Variants in NCAM2 observed in about 807,000 individuals in gnomAD.
The protein encoded by NCAM2 is neural cell adhesion molecule 2.
A neutral mutation model predicts 98.1 loss-of-function variants in NCAM2; 30 were observed. The observed-to-expected ratio is 0.31, with a 90% confidence interval of 0.23 to 0.41. NCAM2 has a LOEUF of 0.41. Ranked by LOEUF, NCAM2 falls within the 10% of genes least tolerant of loss-of-function variation. The probability of loss-of-function intolerance (pLI) is 1.00; values close to 1 mark genes in which losing one functional copy is unlikely to be tolerated. For synonymous variants in NCAM2, 368 were observed against 342.4 expected, an observed-to-expected ratio of 1.07 and a Z score of -0.83; for missense variants, 867 against 1,005.8, an observed-to-expected ratio of 0.86 and a Z score of 1.87.
At chr21:21,526,027 C>A (rs1158295270) in intron 16 of NCAM2, among the ~76,000 whole-genome samples, 1 of 152,008 alleles carries the variant, frequency 6.6e-6, no homozygotes, top group African/African-American at 2.4e-5. Context: ...TAAAAAACTA[C>A]AACTTACATC....
chr21:21,533,550 T>C (rs1015518989), intron 16 of NCAM2, among the ~76,000 whole-genome samples: 6 of 152,080 alleles, frequency 3.9e-5, no homozygotes, highest in Non-Finnish European at 7.4e-5. Flanking sequence ...GAAAGACAAG[T>C]TGGTTACAAT....
At chr21:21,528,137 T>A (rs902347754) in intron 16 of NCAM2, among the ~76,000 whole-genome samples, 7 of 152,108 alleles carry the variant, frequency 4.6e-5, no homozygotes, top group Admixed American at 4.6e-4. Flanking sequence ...ACAAATATAG[T>A]TTTGCTTTGA....
At chr21:21,028,023 C>T (rs2064590721) in intron 1 of NCAM2, among the ~76,000 whole-genome samples, 2 of 151,998 alleles carry the variant, frequency 1.3e-5, no homozygotes, top group Non-Finnish European at 2.9e-5. Flanking sequence ...TCCACCACAC[C>T]CAGCTAATTT....
intron 16 of NCAM2, among the ~76,000 whole-genome samples, chr21:21,511,582 T>A (rs956753030): frequency 1.3e-5 from 2 of 151,820 alleles, no homozygotes; most frequent in African/African-American, 4.8e-5. Flanking sequence ...TCTCTTGATT[T>A]TTTTAAAAAT....
At chr21:21,358,175 C>G (rs2075546209) in intron 8 of NCAM2, among the ~76,000 whole-genome samples, 2 of 152,022 alleles carry the variant, frequency 1.3e-5, no homozygotes, top group Admixed American at 1.3e-4. Flanking sequence ...CTCAAATAAT[C>G]TATATTTCCC....
intron 1 of NCAM2, among the ~76,000 whole-genome samples, chr21:21,126,248 A>AAAAAG (rs2066821113): frequency 6.6e-6 from 1 of 150,902 alleles, no homozygotes; most frequent in Non-Finnish European, 1.5e-5. Flanking sequence ...AAAAAAAAAA[A>AAAAAG]AAAAAAAAAA....
chr21:21,189,993 A>G (rs1257840098), intron 1 of NCAM2, among the ~76,000 whole-genome samples: 2 of 152,314 alleles, frequency 1.3e-5, no homozygotes, highest in South Asian at 2.1e-4. Flanking sequence ...TTGTAATGGA[A>G]CAAAGGAGAG....
intron 1 of NCAM2, among the ~76,000 whole-genome samples, chr21:21,092,646 A>G (rs1229706384): frequency 7.4e-6 from 1 of 135,034 alleles, no homozygotes; most frequent in Non-Finnish European, 1.6e-5. Context: ...GTGGAAAACA[A>G]AATATGAAGA....
At chr21:21,442,735 C>A (rs1038952930) in intron 12 of NCAM2, among the ~76,000 whole-genome samples, 3 of 152,128 alleles carry the variant, frequency 2.0e-5, no homozygotes, top group Admixed American at 1.3e-4. Flanking sequence ...TATATATTTT[C>A]TTAAAGATGT....
At chr21:21,356,649 C>T (rs530522989) in intron 8 of NCAM2, among the ~76,000 whole-genome samples, 2 of 152,086 alleles carry the variant, frequency 1.3e-5, no homozygotes, top group South Asian at 2.1e-4. Context: ...ATAATGAAGA[C>T]TTTTATATTG....
intron 1 of NCAM2, among the ~76,000 whole-genome samples, chr21:21,184,494 G>C (rs1313691363): frequency 6.6e-6 from 1 of 152,024 alleles, no homozygotes; most frequent in Non-Finnish European, 1.5e-5. Context: ...TCTGATGCCT[G>C]GGCTCCCCTT....
intron 8 of NCAM2, among the ~76,000 whole-genome samples, chr21:21,342,390 T>A (rs902355000): frequency 6.6e-6 from 1 of 152,208 alleles, no homozygotes; most frequent in Non-Finnish European, 1.5e-5. Context: ...GTTGTAGTTA[T>A]GAGGAGGTTC....
chr21:21,319,048 A>C (rs899075400), intron 5 of NCAM2, among the ~76,000 whole-genome samples: 1 of 152,088 alleles, frequency 6.6e-6, no homozygotes, highest in African/African-American at 2.4e-5. Flanking sequence ...CAAGAGTTGG[A>C]GACTGCAGTG....
In NCAM2 at chr21:21,541,294, A is replaced by G. The variant is rs1027302164; in HGVS notation, c.*3337A>G. ...ATCATTACTAGTATATTTTGCTTAG[A>G]TTTGAGATACTCAAATGATGCTGTC... On this transcript the variant is annotated 3_prime_UTR_variant, in exon 18 of 18. Coordinates refer to ENST00000400546, the MANE Select transcript of NCAM2 (RefSeq NM_004540.5). 3.3e-5 allele frequency: 5 copies of G among 151,640 alleles called. No individual in the cohort carries two copies. Among genetic ancestry groups the G allele is most frequent in the African/African-American group, 4.8e-5 (2 of 41,414 alleles). The allele number at this position is 151,640 out of a possible 1,614,324, so 9.4% of individuals were successfully genotyped here. A position where few individuals can be genotyped will look rare whatever the true frequency, so the allele number is the denominator to read the frequency against.
intron 8 of NCAM2, among the ~76,000 whole-genome samples, chr21:21,350,774 C>T (rs2075312702): frequency 6.6e-6 from 1 of 152,002 alleles, no homozygotes; most frequent in Non-Finnish European, 1.5e-5. Context: ...ATAAGCGTAT[C>T]TATTTTCCTT....
At chr21:21,324,143 T>C (rs1014511707) in intron 5 of NCAM2, among the ~76,000 whole-genome samples, 2 of 152,176 alleles carry the variant, frequency 1.3e-5, no homozygotes, top group African/African-American at 4.8e-5. Context: ...TTTGGACATA[T>C]GTAACAAACC....
intron 1 of NCAM2, among the ~76,000 whole-genome samples, chr21:21,177,366 A>AT (rs5842899): frequency 1 from 152,215 of 152,216 alleles, 76,107 homozygotes; most frequent in Non-Finnish European, 1. Flanking sequence ...ATATTTATTC[A>AT]TATCTTTAAA....
chr21:21,271,280 T>C (rs13433438), intron 1 of NCAM2, among the ~76,000 whole-genome samples: 4,515 of 152,296 alleles, frequency 0.03, 146 homozygotes, highest in East Asian at 0.19. Flanking sequence ...TCCAGACCTG[T>C]GCTGGGTTTA....
intron 1 of NCAM2, among the ~76,000 whole-genome samples, chr21:21,017,738 G>A (rs1351868899): frequency 6.6e-6 from 1 of 151,998 alleles, no homozygotes; most frequent in African/African-American, 2.4e-5. Flanking sequence ...GGATAGCTAT[G>A]CTTTTTCTTT....
Sources: gnomAD v4.1 joint callset for allele counts (sites outside exome capture counted in the v4.1 genomes callset) on GRCh38, gnomAD v4.1.1 for gene constraint, MANE v1.5 for transcripts, NCBI Gene and HGNC (gene_info 2026-07-23, HGNC 2026-07-21) for gene names.